XKR9: variants seen among roughly 807,000 people sequenced by gnomAD.
XKR9 encodes the protein XK related 9.
Under a neutral mutation model 32.0 loss-of-function variants are expected in XKR9, and 32 were observed. The ratio of observed to expected loss-of-function variants is 1.00; its 90% CI spans 0.76 to 1.34. The LOEUF is 1.34. Ranked by LOEUF, XKR9 falls within the 40% of genes most tolerant of loss-of-function variation. XKR9 has a pLI of 0.00. For missense variants in XKR9, 546 were observed against 429.7 expected, an observed-to-expected ratio of 1.27 and a Z score of -2.39; for synonymous variants, 168 against 143.4, an observed-to-expected ratio of 1.17 and a Z score of -1.22.
At chr8:70,684,162 GT>G (rs541733740) in intron 3 of XKR9, among the ~76,000 whole-genome samples, 153 of 152,150 alleles carry the variant, frequency 1.0e-3, no homozygotes, top group Non-Finnish European at 1.9e-3. Context: ...CTTAGGATTT[GT>G]TGGTCCTCTT....
chr8:70,999,653 G>A, the XKR9 span, among the ~76,000 whole-genome samples: 4 of 152,186 alleles, frequency 2.6e-5, no homozygotes, highest in Non-Finnish European at 4.4e-5. Context: ...CAGAGCAACC[G>A]CAAAGTAACA....
chr8:70,903,413 GTTTAT>G, the XKR9 span, among the ~76,000 whole-genome samples: 53 of 152,238 alleles, frequency 3.5e-4, no homozygotes, highest in African/African-American at 1.3e-3. Flanking sequence ...AGATTTTCTA[GTTTAT>G]TTGTGTAGAG....
At chr8:70,692,980 C>G (rs1485956354) in intron 3 of XKR9, among the ~76,000 whole-genome samples, 3 of 152,184 alleles carry the variant, frequency 2.0e-5, no homozygotes, top group Non-Finnish European at 4.4e-5. Flanking sequence ...TTTTCCACAT[C>G]TGTTGAGAAG....
intron 2 of XKR9, among the ~76,000 whole-genome samples, chr8:70,758,908 G>A (rs959956443): frequency 6.6e-6 from 1 of 152,150 alleles, no homozygotes; most frequent in Admixed American, 6.5e-5. Flanking sequence ...TGGTTTAGAG[G>A]CAGTCTCTAA....
chr8:71,062,918 C>T, the XKR9 span, among the ~76,000 whole-genome samples: 9 of 151,924 alleles, frequency 5.9e-5, no homozygotes, highest in South Asian at 2.1e-4. Context: ...TCTTTGTCTC[C>T]GGCCCCTCTG....
intron 2 of XKR9, among the ~76,000 whole-genome samples, chr8:70,746,491 T>C (rs1357285529): frequency 1.3e-5 from 2 of 149,270 alleles, no homozygotes; most frequent in South Asian, 2.1e-4. Flanking sequence ...ATTATATTCA[T>C]GGAATATAAA....
At chr8:70,778,768 G>T (rs913487459) in intron 2 of XKR9, among the ~76,000 whole-genome samples, 1 of 152,038 alleles carries the variant, frequency 6.6e-6, no homozygotes, top group African/African-American at 2.4e-5. Context: ...TTGGTGTATA[G>T]GGATGCTTGT....
At chr8:70,894,709 G>A in the XKR9 span, among the ~76,000 whole-genome samples, 1 of 152,084 alleles carries the variant, frequency 6.6e-6, no homozygotes, top group Non-Finnish European at 1.5e-5. Context: ...TTCAGTCTAG[G>A]TACTGGAAAG....
At chr8:71,054,554 A>C in the XKR9 span, among the ~76,000 whole-genome samples, 1 of 152,294 alleles carries the variant, frequency 6.6e-6, no homozygotes, top group African/African-American at 2.4e-5. Context: ...TGACTGTGCT[A>C]AGCTTGTCAA....
downstream of XKR9, among the ~76,000 whole-genome samples, chr8:70,791,203 A>G (rs779172140): frequency 1.6e-4 from 24 of 152,086 alleles, no homozygotes; most frequent in East Asian, 1.4e-3. Flanking sequence ...TTGGCCAGGC[A>G]TCTTGGCTTT....
At position 70,711,991 on chromosome 8, in the gene XKR9, GA is replaced by G. The variant is rs924717222; in HGVS notation, c.493+4846del. Among the ~76,000 whole-genome samples the G allele has an allele frequency of 5.3e-5, 8 of 151,914 alleles. No homozygotes were observed. In the South Asian group the frequency reaches 1.0e-3, roughly 20 times the overall value. ...ACCCCTTGAAACTTAAAAGTTGGAA[GA>G]AAAAAAAGTCAGGTTGTGTATAGTA... is the stretch of plus-strand genomic sequence containing the variant. On this transcript the variant is annotated intron_variant, in intron 4 of 4. Coordinates refer to ENST00000408926, the MANE Select transcript of XKR9 (RefSeq NM_001011720.2).
intron 2 of XKR9, among the ~76,000 whole-genome samples, chr8:70,747,359 T>C (rs1320012048): frequency 6.6e-6 from 1 of 152,258 alleles, no homozygotes; most frequent in African/African-American, 2.4e-5. Context: ...GATTGGGTCA[T>C]GAATGCATTG....
intron 4 of XKR9, among the ~76,000 whole-genome samples, chr8:70,726,687 T>A (rs1165779950): frequency 6.6e-6 from 1 of 152,224 alleles, no homozygotes; most frequent in African/African-American, 2.4e-5. Flanking sequence ...AAGAGTGGAT[T>A]GGTCAAGAGC....
chr8:70,727,246 C>A (rs1806501610), intron 4 of XKR9, among the ~76,000 whole-genome samples: 2 of 150,528 alleles, frequency 1.3e-5, no homozygotes. Flanking sequence ...TGATAAAAAT[C>A]AAAACATTAT....
chr8:70,833,500 C>T, the XKR9 span, among the ~76,000 whole-genome samples: 27 of 151,980 alleles, frequency 1.8e-4, no homozygotes, highest in Non-Finnish European at 2.6e-4. Context: ...TTAAGGTTTG[C>T]GACTTGTTAG....
chr8:70,974,119 AT>A, the XKR9 span, among the ~76,000 whole-genome samples: 2 of 151,504 alleles, frequency 1.3e-5, no homozygotes, highest in African/African-American at 2.4e-5. Context: ...TCTAGTAGTA[AT>A]TTTTTTTATA....
At chr8:70,768,618 G>A (rs1807410173) in intron 2 of XKR9, among the ~76,000 whole-genome samples, 1 of 152,084 alleles carries the variant, frequency 6.6e-6, no homozygotes, top group Non-Finnish European at 1.5e-5. Context: ...CCTGTATTGG[G>A]CAAATATATA....
rs150479471 is a variant in XKR9 at position 70,717,107 on chromosome 8, G to A, written c.493+9954G>A. Among the ~76,000 whole-genome samples, 222 of 152,300 alleles carry A rather than the reference G, an allele frequency of 1.5e-3. 1 individual carries two copies. The highest frequency in any genetic ancestry group is 2.1e-3 in the Non-Finnish European group (145 of 68,004). On this transcript the variant is annotated intron_variant, in intron 4 of 4. Coordinates refer to ENST00000408926, the MANE Select transcript of XKR9 (RefSeq NM_001011720.2). Reference sequence around the variant, plus strand: ...GGACTCCTATGGCCTTGGCAGCTCTGCCCCTGTGGCTTTGCAGGGTACAGC... The same window carrying A: ...GGACTCCTATGGCCTTGGCAGCTCTACCCCTGTGGCTTTGCAGGGTACAGC...
At chr8:70,701,230 T>C (rs1049118074) in intron 3 of XKR9, among the ~76,000 whole-genome samples, 2 of 152,200 alleles carry the variant, frequency 1.3e-5, no homozygotes, top group Non-Finnish European at 2.9e-5. Flanking sequence ...CCTAGTGAGA[T>C]GAACACGGTA....
Sources: allele counts gnomAD v4.1 joint callset (sites outside exome capture counted in the v4.1 genomes callset), GRCh38; gene constraint gnomAD v4.1.1; transcripts MANE v1.5; gene names NCBI Gene and HGNC (gene_info 2026-07-23, HGNC 2026-07-21).